Variants in MSH3 observed in about 807,000 individuals in gnomAD.
MSH3 encodes mutS homolog 3.
A neutral mutation model predicts 123.3 loss-of-function variants in MSH3; 106 were observed. That is an observed-to-expected ratio of 0.86 (90% confidence interval 0.73 to 1.01). MSH3 has a LOEUF of 1.01. MSH3 is among the 50% of genes least tolerant of loss of function. The pLI, the probability that MSH3 is intolerant of heterozygous loss-of-function variation, is 0.00. For missense variants in MSH3, 1,459 were observed against 1,347.6 expected, an observed-to-expected ratio of 1.08 and a Z score of -1.29; for synonymous variants, 515 against 481.4, an observed-to-expected ratio of 1.07 and a Z score of -0.91.
intron 20 of MSH3, among the ~76,000 whole-genome samples, chr5:80,833,558 TC>T (rs1201322450): frequency 6.6e-6 from 1 of 152,204 alleles, no homozygotes; most frequent in East Asian, 1.9e-4. Flanking sequence ...GTCTCCTGCC[TC>T]AGCCTCCTGA....
intron 12 of MSH3, among the ~76,000 whole-genome samples, chr5:80,745,018 G>A (rs990575129): frequency 2.0e-5 from 3 of 152,162 alleles, no homozygotes; most frequent in African/African-American, 7.2e-5. Flanking sequence ...GCAAGTTCAT[G>A]GAGAGGTGCC....
Position 80,836,489 on chromosome 5 carries a change from A to G in MSH3, c.2814-17641A>G, listed in dbSNP as rs572338105. On this transcript the variant is annotated intron_variant, in intron 20 of 23. Transcript: ENST00000265081. ...AAGATGATTCCAGTATAATGGAACCATGAGAACACACAGAGGAATAAAGGT... is the reference window on the plus strand; with the variant it reads ...AAGATGATTCCAGTATAATGGAACCGTGAGAACACACAGAGGAATAAAGGT... 2.5e-4 allele frequency among the ~76,000 whole-genome samples: 37 copies of G among 149,320 alleles called. 1 individual carries two copies. The highest frequency in any genetic ancestry group is 2.0e-3 in the Admixed American group (29 of 14,830).
intron 16 of MSH3, among the ~76,000 whole-genome samples, chr5:80,778,308 A>G (rs866171823): frequency 1.3e-5 from 2 of 152,190 alleles, no homozygotes; most frequent in Non-Finnish European, 2.9e-5. Context: ...AAATACTTCA[A>G]TCATACAGAA....
intron 19 of MSH3, among the ~76,000 whole-genome samples, chr5:80,803,259 G>C (rs956961846): frequency 3.0e-4 from 45 of 152,018 alleles, no homozygotes; most frequent in Non-Finnish European, 3.5e-4. Flanking sequence ...CATGTCTTTT[G>C]AATATGTCAT....
chr5:80,827,341 TTC>T (rs1240878890), intron 20 of MSH3, among the ~76,000 whole-genome samples: 28 of 152,350 alleles, frequency 1.8e-4, no homozygotes, highest in South Asian at 6.2e-4. Context: ...CTTCAGGGAA[TTC>T]TGTGTACTCA....
chr5:80,830,685 A>G (rs1561492087), intron 20 of MSH3, among the ~76,000 whole-genome samples: 1 of 152,350 alleles, frequency 6.6e-6, no homozygotes, highest in South Asian at 2.1e-4. Context: ...TTAGAGGATG[A>G]GTTGCCCAGT....
intron 8 of MSH3, among the ~76,000 whole-genome samples, chr5:80,706,085 G>A (rs777716105): frequency 6.6e-6 from 1 of 152,076 alleles, no homozygotes; most frequent in African/African-American, 2.4e-5. Flanking sequence ...GATGTTATTT[G>A]TATATACTTT....
chr5:80,719,888 C>G (rs1486236724), intron 8 of MSH3, among the ~76,000 whole-genome samples: 1 of 152,340 alleles, frequency 6.6e-6, no homozygotes. Context: ...ATCAGAATTA[C>G]CTGGCAGGCT....
intron 20 of MSH3, among the ~76,000 whole-genome samples, chr5:80,845,778 T>G (rs966372710): frequency 5.3e-5 from 8 of 152,210 alleles, no homozygotes; most frequent in African/African-American, 1.7e-4. Context: ...TTCTCGACAC[T>G]GTTTATTCTA....
chr5:80,871,403 C>A (rs2112126608), intron 22 of MSH3, among the ~76,000 whole-genome samples: 1 of 152,302 alleles, frequency 6.6e-6, no homozygotes, highest in East Asian at 1.9e-4. Flanking sequence ...CTTAGCTGAA[C>A]ACCTCTAAGG....
chr5:80,789,733 G>A (rs1249696804), intron 18 of MSH3, among the ~76,000 whole-genome samples: 2 of 152,176 alleles, frequency 1.3e-5, no homozygotes, highest in African/African-American at 4.8e-5. Context: ...ATATATTTAA[G>A]AAGAATAATT....
At chr5:80,776,962 CT>C (rs1199879719) in intron 16 of MSH3, among the ~76,000 whole-genome samples, 1 of 142,460 alleles carries the variant, frequency 7.0e-6, no homozygotes, top group African/African-American at 2.6e-5. Flanking sequence ...GACAGAGTCT[CT>C]TTTCGTCAGC....
intron 8 of MSH3, 79 bp downstream of exon 8, chr5:80,679,172 G>A (rs1749911360): frequency 2.1e-6 from 3 of 1,416,924 alleles, no homozygotes; most frequent in African/African-American, 1.4e-5. Context: ...TATTAAAGTT[G>A]CTAAAAATAG....
At chr5:80,767,648 GT>G (rs1214456043) in intron 13 of MSH3, among the ~76,000 whole-genome samples, 2 of 151,938 alleles carry the variant, frequency 1.3e-5, no homozygotes, top group East Asian at 3.9e-4. Context: ...TTTTTAACTT[GT>G]TTAACCTATT....
At chr5:80,822,254 A>G (rs1307513787) in intron 20 of MSH3, among the ~76,000 whole-genome samples, 2 of 152,222 alleles carry the variant, frequency 1.3e-5, no homozygotes, top group African/African-American at 4.8e-5. Flanking sequence ...ATACTTGAGC[A>G]CAAATCTTGC....
Position 80,680,509 on chromosome 5 carries a change from GTA to G in MSH3, c.1340+1420_1340+1421del, listed in dbSNP as rs1749951235. Among the ~76,000 whole-genome samples the G allele has an allele frequency of 2.0e-5, 3 of 150,276 alleles. No homozygotes were observed. The South Asian group carries it at 6.3e-4, about 32-fold the overall frequency. On this transcript the variant is annotated intron_variant, in intron 8 of 23. Transcript: ENST00000265081. ...ATTTTGGCACATTATTTCCGTGTGT[GTA>G]TATCACTTTTTTCCATTTGTGAACT...
At chr5:80,847,593 G>T (rs1285352395) in intron 20 of MSH3, among the ~76,000 whole-genome samples, 1 of 152,150 alleles carries the variant, frequency 6.6e-6, no homozygotes. Flanking sequence ...CTTGCTTAAT[G>T]ATGAATTTTT....
chr5:80,673,319 AG>A (rs1749762672), intron 6 of MSH3, among the ~76,000 whole-genome samples: 1 of 152,160 alleles, frequency 6.6e-6, no homozygotes, highest in Non-Finnish European at 1.5e-5. Flanking sequence ...GCTTGAGCCC[AG>A]GAGTTTGAGA....
At chr5:80,670,515 C>T (rs1334177416) in intron 4 of MSH3, among the ~76,000 whole-genome samples, 3 of 152,012 alleles carry the variant, frequency 2.0e-5, no homozygotes, top group African/African-American at 7.3e-5. Flanking sequence ...TGAGGGGTCT[C>T]TATTGGAATG....
Sources: allele counts gnomAD v4.1 joint callset (sites outside exome capture counted in the v4.1 genomes callset), GRCh38; gene constraint gnomAD v4.1.1; transcripts MANE v1.5; gene names NCBI Gene and HGNC (gene_info 2026-07-23, HGNC 2026-07-21).